PADI6: variants seen among roughly 807,000 people sequenced by gnomAD.
PADI6 encodes the protein peptidyl arginine deiminase 6, also known as inactive protein-arginine deiminase type-6.
Under a neutral mutation model 78.2 loss-of-function variants are expected in PADI6, and 66 were observed. The observed-to-expected ratio is 0.84, with a 90% confidence interval of 0.69 to 1.04. The LOEUF is 1.04. Ranked by LOEUF, PADI6 falls within the 50% of genes least tolerant of loss-of-function variation. The pLI is 0.00. For missense variants in PADI6, 854 were observed against 866.1 expected, an observed-to-expected ratio of 0.99 and a Z score of 0.18; for synonymous variants, 397 against 346.9, an observed-to-expected ratio of 1.14 and a Z score of -1.60.
At chr1:17,380,125 G>A (rs1194609506) in intron 4 of PADI6, 138 bp downstream of exon 4, 2 of 759,184 alleles carry the variant, frequency 2.6e-6, no homozygotes, top group African/African-American at 3.5e-5. Context: ...GGAGGGGAGG[G>A]GTAAACCAAA....
intron 3 of PADI6, among the ~76,000 whole-genome samples, 153 bp downstream of exon 3, chr1:17,375,652 CATTT>C (rs2075008172): frequency 6.6e-6 from 1 of 152,104 alleles, no homozygotes; most frequent in Non-Finnish European, 1.5e-5. Context: ...TAAATGGATT[CATTT>C]GAGATACCCA....
chr1:17,372,459 G>A (rs1204227363), intron 1 of PADI6, 98 bp downstream of exon 1: 3 of 1,139,066 alleles, frequency 2.6e-6, no homozygotes, highest in African/African-American at 1.5e-5. Context: ...TACTTCTCTA[G>A]CCTCACTATC....
In PADI6 at chr1:17,401,607, G is replaced by C; in HGVS notation, c.*169G>C. The C allele has an allele frequency of 4.6e-6, 3 of 647,832 alleles. No individual in the cohort carries two copies. In the South Asian group the frequency reaches 5.9e-5, roughly 13 times the overall value. 40.1% of individuals were successfully genotyped at this position (647,832 alleles called of 1,614,324 possible). On this transcript the variant is annotated 3_prime_UTR_variant, in exon 16 of 16. Coordinates refer to ENST00000619609, the MANE Select transcript of PADI6 (RefSeq NM_207421.4). ...CGGACCCAGTAGGATGGCAAATGCC[G>C]CCAGCTTGAACCCCTATGGGGAAAA...
intron 6 of PADI6, among the ~76,000 whole-genome samples, chr1:17,387,170 A>G (rs1417176933): frequency 6.6e-6 from 1 of 152,210 alleles, no homozygotes; most frequent in East Asian, 1.9e-4. Context: ...TGGGCTGGGC[A>G]CAGTGGCTCA....
intron 3 of PADI6, among the ~76,000 whole-genome samples, chr1:17,377,683 TTG>T (rs1271731923): frequency 1.3e-5 from 2 of 152,200 alleles, no homozygotes; most frequent in Non-Finnish European, 2.9e-5. Context: ...AGTCTGAATC[TTG>T]TGTTACCTGA....
chr1:17,374,943 C>CA (rs2075000909), intron 2 of PADI6, among the ~76,000 whole-genome samples: 1 of 152,074 alleles, frequency 6.6e-6, no homozygotes, highest in South Asian at 2.1e-4. Flanking sequence ...GACTGAGTCC[C>CA]AACGCTGCTT....
At chr1:17,388,293 T>TA in intron 6 of PADI6, 88 bp from the exon 7 acceptor site, 1 of 1,240,632 alleles carries the variant, frequency 8.1e-7, no homozygotes, top group Non-Finnish European at 1.1e-6. Flanking sequence ...TTGCATCTGA[T>TA]ATGAGGAATG....
At chr1:17,375,975 C>CTTTTTTTTTTTTT (rs575076756) in intron 3 of PADI6, among the ~76,000 whole-genome samples, 8 of 150,236 alleles carry the variant, frequency 5.3e-5, no homozygotes, top group African/African-American at 1.7e-4. Context: ...ATAACATCTA[C>CTTTTTTTTTTTTT]TTTTTTTTTC....
intron 3 of PADI6, 28 bp from the exon 4 acceptor site, chr1:17,379,892 G>T (rs774712781): frequency 2.5e-6 from 4 of 1,608,668 alleles, no homozygotes; most frequent in Non-Finnish European, 3.4e-6. Context: ...GGTCAAGGTG[G>T]CTGGGACACC....
intron 15 of PADI6, among the ~76,000 whole-genome samples, chr1:17,400,519 TTTG>T (rs1382862717): frequency 1.3e-5 from 2 of 151,796 alleles, no homozygotes; most frequent in African/African-American, 4.9e-5. Context: ...TTTTTGTTTG[TTTG>T]TTTTTGTTTT....
chr1:17,374,847 T>C (rs2074999697), intron 2 of PADI6, among the ~76,000 whole-genome samples: 1 of 152,166 alleles, frequency 6.6e-6, no homozygotes, highest in Non-Finnish European at 1.5e-5. Flanking sequence ...GACCAAGACC[T>C]TGTGGTCAGG....
In PADI6 at chr1:17,398,654, G is replaced by GC. The variant is rs397957287; in HGVS notation, c.1690-21dup. ...CCTGATGAGCTCTCCTTGCTCCCCCGCCCCCCCCCCCACCCACCCACCCAC... is the reference window on the plus strand; with the variant it reads ...CCTGATGAGCTCTCCTTGCTCCCCCGCCCCCCCCCCCCACCCACCCACCCAC... On this transcript the variant is annotated intron_variant, in intron 14 of 15. Transcript: ENST00000619609. 4.1e-3 allele frequency: 733 copies of GC among 177,676 alleles called. 3 individuals carry two copies. Among genetic ancestry groups the GC allele is most frequent in the African/African-American group, 7.0e-3 (177 of 25,458 alleles). The allele number at this position is 177,676 out of a possible 1,614,324, so 11.0% of individuals were successfully genotyped here.
intron 15 of PADI6, 43 bp from the exon 16 acceptor site, chr1:17,401,159 GCCT>G (rs1273400592): frequency 6.3e-7 from 1 of 1,577,384 alleles, no homozygotes; most frequent in Admixed American, 1.7e-5. Flanking sequence ...TGGCTTTCAG[GCCT>G]CTGATCCCTG....
Position 17,401,397 on chromosome 1 carries a change from C to G in PADI6, c.2044C>G (p.Arg682Gly). 6.2e-7 allele frequency: 1 copy of G among 1,614,034 alleles called. No individual in the cohort carries two copies. Residue 682 changes from arginine to glycine, a missense_variant, in exon 16 of 16, where the codon CGG (arginine) becomes GGG (glycine). Coordinates refer to ENST00000619609, the MANE Select transcript of PADI6 (RefSeq NM_207421.4). ...CATCTGTGCCTGTGCCAACATCCGCCGGGTGCCCTTTGCCTTCAAATGGTG... is the reference window on the plus strand; with the variant it reads ...CATCTGTGCCTGTGCCAACATCCGCGGGGTGCCCTTTGCCTTCAAATGGTG... Reference protein sequence around the residue: ...GDICACANIRRVPFAFKWWKM... With the variant: ...GDICACANIRGVPFAFKWWKM...
chr1:17,398,678 A>ACCCCCCCCCCCCCCCCCCCCCC lies in PADI6; in HGVS notation c.1690-5_1690-4insCCCCCCCCCCCCCCCCCCCCCC. The ACCCCCCCCCCCCCCCCCCCCCC allele has an allele frequency of 9.1e-6, 1 of 110,270 alleles. No individual in the cohort carries two copies. Among genetic ancestry groups the ACCCCCCCCCCCCCCCCCCCCCC allele is most frequent in the Non-Finnish European group, 1.6e-5 (1 of 61,908 alleles). 6.8% of individuals were successfully genotyped at this position (110,270 alleles called of 1,614,324 possible). ...CGCCCCCCCCCCCACCCACCCACCC[A>ACCCCCCCCCCCCCCCCCCCCCC]CCCACAGAAGTGCATTCACCTGAAC... On this transcript the variant is annotated splice_polypyrimidine_tract_variant and splice_region_variant and intron_variant, in intron 14 of 15. Coordinates refer to ENST00000619609, the MANE Select transcript of PADI6 (RefSeq NM_207421.4).
intron 6 of PADI6, among the ~76,000 whole-genome samples, chr1:17,387,531 C>T (rs2075133923): frequency 6.6e-6 from 1 of 151,898 alleles, no homozygotes; most frequent in Admixed American, 6.6e-5. Flanking sequence ...AGGCAGATCA[C>T]GAGGTCAGGA....
intron 3 of PADI6, 53 bp from the exon 4 acceptor site, chr1:17,379,867 A>T: frequency 2.0e-6 from 3 of 1,527,660 alleles, no homozygotes; most frequent in Non-Finnish European, 2.7e-6. Context: ...TATAACTTTG[A>T]GGTTCCATCT....
At chr1:17,395,208 T>C (rs992949684) in intron 12 of PADI6, 101 bp downstream of exon 12, 1 of 1,405,044 alleles carries the variant, frequency 7.1e-7, no homozygotes, top group Non-Finnish European at 9.5e-7. Context: ...TGTTTTTTTT[T>C]TTTTTTGTTT....
chr1:17,384,942 G>A lies in PADI6; in HGVS notation c.679+2850G>A, dbSNP rs147047790. Among the ~76,000 whole-genome samples, 237 of 152,362 alleles carry A rather than the reference G, an allele frequency of 1.6e-3. 1 individual carries two copies. Among genetic ancestry groups the A allele is most frequent in the Middle Eastern group, 0.014 (4 of 294 alleles). On this transcript the variant is annotated intron_variant, in intron 6 of 15. Coordinates refer to ENST00000619609, the MANE Select transcript of PADI6 (RefSeq NM_207421.4). ...TAATTACAGGGGCCAGCACGCAGTCGAGCGTGTCTGAAGCTGGTAGTACAC... is the reference window on the plus strand; with the variant it reads ...TAATTACAGGGGCCAGCACGCAGTCAAGCGTGTCTGAAGCTGGTAGTACAC...
Sources: gnomAD v4.1 joint callset for allele counts (sites outside exome capture counted in the v4.1 genomes callset) on GRCh38, gnomAD v4.1.1 for gene constraint, MANE v1.5 for transcripts, NCBI Gene and HGNC (gene_info 2026-07-23, HGNC 2026-07-21) for gene names.